PNPLA7: variants seen among roughly 807,000 people sequenced by gnomAD.
PNPLA7 encodes patatin like domain 7, lysophospholipase.
Under a neutral mutation model 161.7 loss-of-function variants are expected in PNPLA7, and 153 were observed. That is an observed-to-expected ratio of 0.95 (90% CI 0.83 to 1.08). The LOEUF (loss-of-function observed/expected upper bound fraction) is 1.08. Ranked by LOEUF, PNPLA7 falls within the 50% of genes least tolerant of loss-of-function variation. PNPLA7 has a pLI of 0.00. For missense variants in PNPLA7, 1,739 were observed against 1,856.6 expected (o/e 0.94, Z 1.16); for synonymous variants, 809 against 782.1 (o/e 1.03, Z -0.57).
intron 12 of PNPLA7, among the ~76,000 whole-genome samples, chr9:137,507,179 A>G (rs1256932160): frequency 6.6e-6 from 1 of 152,244 alleles, no homozygotes. Flanking sequence ...TGTGCTGTGT[A>G]TTACTCATGC....
intron 16 of PNPLA7, among the ~76,000 whole-genome samples, chr9:137,498,971 G>C (rs1833223963): frequency 6.6e-6 from 1 of 152,150 alleles, no homozygotes; most frequent in Non-Finnish European, 1.5e-5. Flanking sequence ...CAGGAGGTGG[G>C]GGAAGCTGGG....
rs761625334 is a variant in PNPLA7 at position 137,480,972 on chromosome 9, G to A, written c.2399C>T (p.Ala800Val). The A allele has an allele frequency of 6.4e-7, 1 of 1,551,598 alleles. No homozygotes were observed. The highest frequency in any genetic ancestry group is 8.7e-7 in the Non-Finnish European group (1 of 1,146,944). ...SDNIKRRLGS[A>V]ALDSVHEYRL... The stretch of plus-strand genomic sequence containing the variant: ...TGGCGGCACGCACCTGTCCAGGGCA[G>A]CGGAGCCAAGGCGCCGTTTTATGTT... Residue 800 changes from alanine to valine, a missense_variant, in exon 22 of 35, where the codon GCT (alanine) becomes GTT (valine). By Grantham distance (64) the Ala-to-Val change is moderately conservative. This residue lies in a region of PNPLA7 where 192 missense variants were observed against 249.5 expected (regional missense o/e 0.77). Transcript: ENST00000406427.
At chr9:137,513,218 G>A (rs1000385552) in intron 12 of PNPLA7, among the ~76,000 whole-genome samples, 13 of 152,204 alleles carry the variant, frequency 8.5e-5, no homozygotes, top group African/African-American at 2.6e-4. Context: ...GAGGCCGGGT[G>A]CGGTGGCTCA....
chr9:137,475,936 C>A (rs991630689), intron 25 of PNPLA7, among the ~76,000 whole-genome samples: 1 of 152,138 alleles, frequency 6.6e-6, no homozygotes. Flanking sequence ...CCCCATGCGT[C>A]TTCTCCTAGG....
chr9:137,473,277 A>G (rs1293490420), intron 25 of PNPLA7, among the ~76,000 whole-genome samples: 1 of 152,130 alleles, frequency 6.6e-6, no homozygotes, highest in Admixed American at 6.5e-5. Flanking sequence ...GCAACCAGAC[A>G]CCACATGGGA....
At chr9:137,493,652 C>T (rs1196828845) in intron 19 of PNPLA7, among the ~76,000 whole-genome samples, 2 of 152,262 alleles carry the variant, frequency 1.3e-5, no homozygotes, top group Non-Finnish European at 2.9e-5. Context: ...TTCACCCGCA[C>T]TGTCCCCCAG....
rs547293645 is a variant in PNPLA7 at position 137,466,817 on chromosome 9, G to A, written c.3039+500C>T. 2.7e-3 allele frequency among the ~76,000 whole-genome samples: 381 copies of A among 142,162 alleles called. 1 individual carries two copies. The highest frequency in any genetic ancestry group is 4.0e-3 in the Non-Finnish European group (262 of 65,756). The allele number at this position is 142,162 out of a possible 152,430, so 93.3% of individuals were successfully genotyped here. Reference sequence around the variant, plus strand: ...CCAACTCAGACCCGGGCACGGATCAGACCACCTCCCACCACCGTCTCCATC... The same window carrying A: ...CCAACTCAGACCCGGGCACGGATCAAACCACCTCCCACCACCGTCTCCATC... On this transcript the variant is annotated intron_variant, in intron 26 of 34. Coordinates refer to ENST00000406427, the MANE Select transcript of PNPLA7 (RefSeq NM_001098537.3).
Position 137,546,883 on chromosome 9 carries a change from G to A in PNPLA7, c.220C>T (p.Arg74Trp), listed in dbSNP as rs377634517. The A allele has an allele frequency of 6.2e-6, 10 of 1,613,926 alleles. No homozygotes were observed. Among genetic ancestry groups the A allele is most frequent in the Middle Eastern group, 1.6e-4 (1 of 6,062 alleles). ...FRQAQPTPQY[R>W]FRKRDKVMFY... ...ATCACTTTGTCTCTCTTCCGGAACC[G>A]GTACTGAGGAGTGGGCTGTGCTTGT... is the stretch of plus-strand genomic sequence containing the variant. The change falls in exon 4 of 35, where the codon CGG (arginine) becomes TGG (tryptophan). Residue 74 changes from arginine to tryptophan, a missense_variant. By Grantham distance (101) the Arg-to-Trp change is moderately radical. Transcript: ENST00000406427.
Position 137,479,087 on chromosome 9 carries a change from C to T in PNPLA7, c.2732G>A (p.Arg911His), listed in dbSNP as rs140376293. Residue 911 changes from arginine to histidine, a missense_variant, in exon 24 of 35, where the codon CGC becomes CAC. Physicochemically the swap from Arg to His is conservative, Grantham distance 29 (BLOSUM62 0). Transcript: ENST00000406427. Reference sequence around the variant, plus strand: ...GGGCAGGCTCCTCCTGGAGAAGACGCGGCGCGGGCAGCAGAGGTGCAGGTG... The same window carrying T: ...GGGCAGGCTCCTCCTGGAGAAGACGTGGCGCGGGCAGCAGAGGTGCAGGTG... ...SGHLHLCCPR[R>H]VFSRRSLPKL... is the part of the protein sequence containing the mutation. The T allele has an allele frequency of 3.2e-4, 509 of 1,596,740 alleles. 3 individuals carry two copies. Among genetic ancestry groups the T allele is most frequent in the Non-Finnish European group, 1.4e-4 (159 of 1,171,448 alleles).
Position 137,543,718 on chromosome 9 carries a change from C to A in PNPLA7, c.365+6G>T. ...GGCAGGATGTGGTCTGAAGGACACA[C>A]AGTACCTCTTGGCCAAAGACAGCAC... On this transcript the variant is annotated splice_donor_region_variant and intron_variant, in intron 5 of 34. Coordinates refer to ENST00000406427, the MANE Select transcript of PNPLA7 (RefSeq NM_001098537.3). The surrounding 1 kb of genome is among the most constrained non-coding windows in gnomAD (Gnocchi z 6.9). The A allele has an allele frequency of 6.2e-7, 1 of 1,613,918 alleles. No individual in the cohort carries two copies. The highest frequency in any genetic ancestry group is 8.5e-7 in the Non-Finnish European group (1 of 1,179,850).
intron 8 of PNPLA7, among the ~76,000 whole-genome samples, chr9:137,530,107 G>C (rs185333567): frequency 7.2e-4 from 110 of 152,200 alleles, no homozygotes; most frequent in African/African-American, 2.6e-3. Context: ...TGAGACTAGA[G>C]GTGCGCGCCA....
chr9:137,514,158 G>C (rs1263891600), intron 12 of PNPLA7, among the ~76,000 whole-genome samples: 1 of 149,652 alleles, frequency 6.7e-6, no homozygotes, highest in Non-Finnish European at 1.5e-5. Flanking sequence ...GGCTGCGGGC[G>C]TGTCACCCGG....
intron 30 of PNPLA7, 63 bp downstream of exon 30, chr9:137,462,622 G>T: frequency 1.3e-6 from 2 of 1,582,078 alleles, no homozygotes; most frequent in Non-Finnish European, 1.7e-6. Flanking sequence ...CCTGCCGCAG[G>T]ACAGGTGTGG....
chr9:137,509,828 A>G (rs1205452807), intron 12 of PNPLA7: 2 of 418,980 alleles, frequency 4.8e-6, no homozygotes, highest in Admixed American at 5.2e-5. Flanking sequence ...TTCCAGTATA[A>G]TAAAATATAA....
chr9:137,472,538 C>T (rs1011065052), intron 25 of PNPLA7, among the ~76,000 whole-genome samples: 4 of 150,656 alleles, frequency 2.7e-5, no homozygotes, highest in Non-Finnish European at 5.9e-5. Context: ...GTAATCCCAG[C>T]TACTCGGGAG....
chr9:137,528,410 G>T (rs1835407563), intron 8 of PNPLA7, among the ~76,000 whole-genome samples: 1 of 152,132 alleles, frequency 6.6e-6, no homozygotes, highest in Non-Finnish European at 1.5e-5. Context: ...GTGGCTCACT[G>T]CAACCTCTGC....
rs1390312147 is a variant in PNPLA7 at position 137,468,539 on chromosome 9, G to T, written c.2883-1066C>A. Among the ~76,000 whole-genome samples the T allele has an allele frequency of 6.6e-6, 1 of 152,284 alleles. No individual in the cohort carries two copies. The highest frequency in any genetic ancestry group is 2.1e-4 in the South Asian group (1 of 4,816). On this transcript the variant is annotated intron_variant, in intron 25 of 34. Transcript: ENST00000406427. The surrounding 1 kb of genome is among the most constrained non-coding windows in gnomAD (Gnocchi z 4.0). ...TCGGATGCAAGCCACAGCTGGGGGGGACCCTGGAGGCATTTGCTGTGGTTT... is the reference window on the plus strand; with the variant it reads ...TCGGATGCAAGCCACAGCTGGGGGGTACCCTGGAGGCATTTGCTGTGGTTT...
intron 21 of PNPLA7, among the ~76,000 whole-genome samples, chr9:137,482,224 T>C (rs1832255996): frequency 1.3e-5 from 2 of 152,228 alleles, no homozygotes; most frequent in African/African-American, 2.4e-5. Context: ...CCAGCAATCA[T>C]GCTCCTTGGT....
intron 14 of PNPLA7, among the ~76,000 whole-genome samples, chr9:137,501,983 ACT>A (rs1833452555): frequency 6.6e-6 from 1 of 152,074 alleles, no homozygotes; most frequent in East Asian, 1.9e-4. Flanking sequence ...AGAAACAGAC[ACT>A]CGTATTTTTG....
Sources: gnomAD v4.1 joint callset for allele counts (sites outside exome capture counted in the v4.1 genomes callset) on GRCh38, gnomAD v4.1.1 for gene constraint, gnomAD v4.1.1 regional missense constraint, Gnocchi (gnomAD v3.1) non-coding constraint, MANE v1.5 for transcripts, NCBI Gene and HGNC (gene_info 2026-07-23, HGNC 2026-07-21) for gene names.